ADGRB3: variants seen among roughly 807,000 people sequenced by gnomAD.
The protein encoded by ADGRB3 is adhesion G protein-coupled receptor B3.
In ADGRB3, 37 loss-of-function variants were observed where a neutral mutation model predicts 193.4. The ratio of observed to expected loss-of-function variants is 0.19; its 90% CI spans 0.15 to 0.25. The LOEUF (loss-of-function observed/expected upper bound fraction) is 0.25. Among genes scored for constraint, ADGRB3 ranks in the 10% least tolerant of loss-of-function variants. The pLI, the probability that ADGRB3 is intolerant of heterozygous loss-of-function variation, is 1.00. For missense variants in ADGRB3, 1,637 were observed against 1,852.9 expected, an observed-to-expected ratio of 0.88 and a Z score of 2.14; for synonymous variants, 690 against 644.2, an observed-to-expected ratio of 1.07 and a Z score of -1.08.
intron 3 of ADGRB3, among the ~76,000 whole-genome samples, chr6:68,790,494 A>G (rs1456989448): frequency 6.6e-6 from 1 of 152,158 alleles, no homozygotes; most frequent in African/African-American, 2.4e-5. Flanking sequence ...TGCCTCCTCA[A>G]GTGGGTCCCT....
At chr6:69,381,686 T>C (rs1328410181) in intron 30 of ADGRB3, among the ~76,000 whole-genome samples, 4 of 151,908 alleles carry the variant, frequency 2.6e-5, no homozygotes, top group Non-Finnish European at 5.9e-5. Context: ...GCATTACAGC[T>C]CTCCCAAAGA....
At chr6:68,965,469 T>A (rs982273594) in intron 8 of ADGRB3, among the ~76,000 whole-genome samples, 1 of 152,114 alleles carries the variant, frequency 6.6e-6, no homozygotes, top group African/African-American at 2.4e-5. Context: ...TGTGTGTATA[T>A]CAGCTCTATA....
chr6:69,207,740 G>A (rs62406834), intron 17 of ADGRB3, among the ~76,000 whole-genome samples: 21,444 of 152,196 alleles, frequency 0.14, 1,567 homozygotes, highest in Middle Eastern at 0.16. Context: ...TGGGGAACAT[G>A]GTAAGATCAG....
chr6:68,883,538 C>G (rs1463751541), intron 3 of ADGRB3, among the ~76,000 whole-genome samples: 1 of 152,172 alleles, frequency 6.6e-6, no homozygotes, highest in East Asian at 1.9e-4. Context: ...CAAAGGTCTG[C>G]AGCTTCACTC....
chr6:68,778,579 C>T (rs527630460), intron 3 of ADGRB3, among the ~76,000 whole-genome samples: 24 of 152,136 alleles, frequency 1.6e-4, no homozygotes, highest in Non-Finnish European at 2.6e-4. Flanking sequence ...TGTTAGTCAT[C>T]GGCATAATTT....
Position 68,772,964 on chromosome 6 carries a change from A to T in ADGRB3, c.757+133532A>T, listed in dbSNP as rs573243042. On this transcript the variant is annotated intron_variant, in intron 3 of 31. Coordinates refer to ENST00000370598, the MANE Select transcript of ADGRB3 (RefSeq NM_001704.3). ...ACACACAAAAATAAAAAATAAAAAT[A>T]AAATAGACAGGCATGGTAGTACACG... Among the ~76,000 whole-genome samples, 3 of 133,224 alleles carry T rather than the reference A, an allele frequency of 2.3e-5. No homozygotes were observed. In the East Asian group the frequency reaches 6.1e-4, roughly 27 times the overall value. The allele number at this position is 133,224 out of a possible 152,430, so 87.4% of individuals were successfully genotyped here. A position where few individuals can be genotyped will look rare whatever the true frequency, so the allele number is the denominator to read the frequency against.
At chr6:69,271,325 G>T (rs1459416542) in intron 20 of ADGRB3, among the ~76,000 whole-genome samples, 1 of 152,038 alleles carries the variant, frequency 6.6e-6, no homozygotes, top group East Asian at 1.9e-4. Flanking sequence ...TGAGTTGTGG[G>T]TAAATGAATG....
intron 3 of ADGRB3, among the ~76,000 whole-genome samples, chr6:68,917,284 C>G (rs999075222): frequency 6.6e-6 from 1 of 152,224 alleles, no homozygotes; most frequent in South Asian, 2.1e-4. Context: ...CATTTAAGCA[C>G]TTCCAGTGAT....
intron 8 of ADGRB3, among the ~76,000 whole-genome samples, chr6:68,973,224 A>T (rs1322455783): frequency 6.9e-6 from 1 of 143,946 alleles, no homozygotes; most frequent in Non-Finnish European, 1.6e-5. Flanking sequence ...AGTCCTGCTG[A>T]CACCTCCACC....
At chr6:68,865,520 T>C (rs1223826704) in intron 3 of ADGRB3, among the ~76,000 whole-genome samples, 1 of 152,086 alleles carries the variant, frequency 6.6e-6, no homozygotes, top group Non-Finnish European at 1.5e-5. Flanking sequence ...CTCAGTTACC[T>C]AGTGTGAAAG....
At chr6:68,645,904 C>A (rs981206812) in intron 3 of ADGRB3, among the ~76,000 whole-genome samples, 2 of 151,854 alleles carry the variant, frequency 1.3e-5, no homozygotes, top group South Asian at 4.2e-4. Context: ...AAACTCCTGA[C>A]CTCAGGTGAT....
rs376326308 is a variant in ADGRB3 at position 68,895,415 on chromosome 6, G to T, written c.758-35144G>T. 5.3e-5 allele frequency among the ~76,000 whole-genome samples: 8 copies of T among 151,974 alleles called. No individual in the cohort carries two copies. In the East Asian group the frequency reaches 1.5e-3, roughly 29 times the overall value. On this transcript the variant is annotated intron_variant, in intron 3 of 31. Transcript: ENST00000370598. Reference sequence around the variant, plus strand: ...TTTGTGATGACATCTTTCTAGGACTGGGGTTCTAGCCATACACCAAGAGGG... The same window carrying T: ...TTTGTGATGACATCTTTCTAGGACTTGGGTTCTAGCCATACACCAAGAGGG...
intron 8 of ADGRB3, among the ~76,000 whole-genome samples, chr6:68,971,768 T>C (rs3798979): frequency 0.49 from 74,744 of 152,186 alleles, 19,446 homozygotes; most frequent in East Asian, 0.68. Flanking sequence ...TACATACTTA[T>C]TGAGGCTCCA....
intron 17 of ADGRB3, among the ~76,000 whole-genome samples, chr6:69,193,881 G>GAAA (rs3048266): frequency 2.4e-4 from 36 of 151,826 alleles, no homozygotes; most frequent in Middle Eastern, 3.4e-3. Flanking sequence ...AAATCTGGTA[G>GAAA]AAAAAAACAA....
Position 68,996,774 on chromosome 6 carries a change from C to T in ADGRB3, c.1929+2812C>T, listed in dbSNP as rs114094829. ...GTATCAGCACTAATTAGCAAATCTT[C>T]GGAAAAAAAGACATGTTTCTGATCC... On this transcript the variant is annotated intron_variant, in intron 11 of 31. Coordinates refer to ENST00000370598, the MANE Select transcript of ADGRB3 (RefSeq NM_001704.3). Among the ~76,000 whole-genome samples the T allele has an allele frequency of 7.4e-3, 1,123 of 152,130 alleles. 14 individuals carry two copies. Among genetic ancestry groups the T allele is most frequent in the African/African-American group, 0.026 (1,061 of 41,516 alleles).
intron 17 of ADGRB3, among the ~76,000 whole-genome samples, chr6:69,164,000 C>T (rs1047035897): frequency 2.6e-5 from 4 of 152,064 alleles, no homozygotes; most frequent in African/African-American, 9.7e-5. Context: ...AAATTCCCTG[C>T]CCCTCTTAAT....
chr6:68,934,245 T>C (rs1172280819), intron 4 of ADGRB3, among the ~76,000 whole-genome samples: 2 of 152,190 alleles, frequency 1.3e-5, no homozygotes, highest in Non-Finnish European at 2.9e-5. Flanking sequence ...CTTAGTTTAT[T>C]TTTGATCAAT....
chr6:68,721,518 C>G (rs1482577609), intron 3 of ADGRB3, among the ~76,000 whole-genome samples: 1 of 151,160 alleles, frequency 6.6e-6, no homozygotes, highest in African/African-American at 2.4e-5. Context: ...GGAGATATAC[C>G]TAATGTAAAT....
At chr6:69,143,764 A>C (rs528933611) in intron 17 of ADGRB3, among the ~76,000 whole-genome samples, 2 of 152,260 alleles carry the variant, frequency 1.3e-5, no homozygotes, top group East Asian at 3.9e-4. Context: ...TACCAGTACC[A>C]TGCTTTTTTG....
Sources: gnomAD v4.1 joint callset for allele counts (sites outside exome capture counted in the v4.1 genomes callset) on GRCh38, gnomAD v4.1.1 for gene constraint, MANE v1.5 for transcripts, NCBI Gene and HGNC (gene_info 2026-07-23, HGNC 2026-07-21) for gene names.